AASDH: variants seen among roughly 807,000 people sequenced by gnomAD.
The protein encoded by AASDH is aminoadipate-semialdehyde dehydrogenase.
AASDH carries 81 observed loss-of-function variants against 102.3 expected under a neutral mutation model. The observed-to-expected ratio is 0.79, with a 90% CI of 0.66 to 0.95. The LOEUF (loss-of-function observed/expected upper bound fraction) is 0.95. Among genes scored for constraint, AASDH ranks in the 40% least tolerant of loss-of-function variants. AASDH has a pLI of 0.00. For synonymous variants in AASDH, 398 were observed against 454.0 expected, an observed-to-expected ratio of 0.88 and a Z score of 1.57; for missense variants, 1,203 against 1,266.2, an observed-to-expected ratio of 0.95 and a Z score of 0.76.
At chr4:56,359,384 T>A (rs1294935582) in intron 5 of AASDH, among the ~76,000 whole-genome samples, 5 of 151,896 alleles carry the variant, frequency 3.3e-5, no homozygotes, top group African/African-American at 1.2e-4. Context: ...CTCAGCCTCC[T>A]GAGTAGCTGG....
intron 5 of AASDH, among the ~76,000 whole-genome samples, chr4:56,364,520 T>C (rs895389435): frequency 2.0e-5 from 3 of 152,214 alleles, no homozygotes; most frequent in African/African-American, 7.2e-5. Context: ...AGCTGATCAC[T>C]CGGCAGAAAC....
chr4:56,353,070 T>C (rs928407544), intron 9 of AASDH, among the ~76,000 whole-genome samples: 2 of 151,894 alleles, frequency 1.3e-5, no homozygotes, highest in African/African-American at 4.8e-5. Context: ...GGCACAAACA[T>C]AGCACACTGT....
At chr4:56,356,019 G>C in intron 5 of AASDH, 1 of 501,426 alleles carries the variant, frequency 2.0e-6, no homozygotes, top group Non-Finnish European at 3.5e-6. Flanking sequence ...AAAGGTTTAG[G>C]ATAAAAAGGA....
rs574989825 is a variant in AASDH at position 56,360,618 on chromosome 4, G to T, written c.862-5195C>A. Among the ~76,000 whole-genome samples, 606 of 151,180 alleles carry T rather than the reference G, an allele frequency of 4.0e-3. 12 individuals carry two copies. The highest frequency in any genetic ancestry group is 4.5e-3 in the Non-Finnish European group (306 of 67,734). On this transcript the variant is annotated intron_variant, in intron 5 of 14. Coordinates refer to ENST00000205214, the MANE Select transcript of AASDH (RefSeq NM_181806.4). The stretch of plus-strand genomic sequence containing the variant: ...TTGATTTCCAAATGTTGAAATGATT[G>T]TTTTTTTTTCCATTTTGTCCAGCTT...
chr4:56,345,262 C>T lies in AASDH; in HGVS notation c.2517G>A (p.Leu839=). 6.2e-7 allele frequency: 1 copy of T among 1,613,528 alleles called. No individual in the cohort carries two copies. Among genetic ancestry groups the T allele is most frequent in the Non-Finnish European group, 8.5e-7 (1 of 1,179,540 alleles). ...AGTATTTTTCTCCACTATTACTTTT[C>T]AGAACATAAACTAATCCATTATAAC... is the stretch of plus-strand genomic sequence containing the variant. ...VGCYNGLVYV[L]KSNSGEKYWM... is the part of the protein sequence containing the mutation. The change falls in exon 12 of 15, where the codon CTG becomes CTA. Residue 839 remains leucine, a synonymous_variant. Coordinates refer to ENST00000205214, the MANE Select transcript of AASDH (RefSeq NM_181806.4).
At chr4:56,361,150 G>T (rs533741917) in intron 5 of AASDH, among the ~76,000 whole-genome samples, 2 of 152,162 alleles carry the variant, frequency 1.3e-5, no homozygotes, top group African/African-American at 2.4e-5. Flanking sequence ...GGTGACTCAC[G>T]CCTGTAATCC....
chr4:56,364,972 T>C (rs1049320248), intron 5 of AASDH, among the ~76,000 whole-genome samples: 2,411 of 152,004 alleles, frequency 0.016, 75 homozygotes, highest in African/African-American at 0.055. Flanking sequence ...TTCAGGAAAC[T>C]CATCTCACGT....
Position 56,342,945 on chromosome 4 carries a change from T to C in AASDH, c.2797A>G (p.Lys933Glu). The stretch of plus-strand genomic sequence containing the variant: ...AAGAGTGGTTTTCCACAGGAATGTT[T>C]CCAAATAACGTTCCCAGTAGCCTGT... Reference protein sequence around the residue: ...VNPATGNVIWKHSCGKPLFSS... With the variant: ...VNPATGNVIWEHSCGKPLFSS... Residue 933 changes from lysine (K) to glutamate (E), a missense_variant, in exon 14 of 15, where the codon AAA becomes GAA. Lys to Glu is a moderately conservative substitution (Grantham distance 56). Transcript: ENST00000205214. 1 of 1,589,952 alleles carries C rather than the reference T, an allele frequency of 6.3e-7. No individual in the cohort carries two copies. Among genetic ancestry groups the C allele is most frequent in the Non-Finnish European group, 8.6e-7 (1 of 1,168,230 alleles).
In AASDH at chr4:56,349,856, G is replaced by A; in HGVS notation, c.1895C>T (p.Pro632Leu). ...CTTCCTGAATGTCACATCTTCATCT[G>A]GAACCACTGTTTGAAGGATGTGATT... ...IYNHILQTVV[P>L]DEDVTFRKSC... Residue 632 changes from proline to leucine, a missense_variant, in exon 11 of 15, where the codon CCA (proline) becomes CTA (leucine). Pro to Leu is a moderately conservative substitution (Grantham distance 98). Transcript: ENST00000205214. The A allele has an allele frequency of 3.1e-6, 5 of 1,614,128 alleles. No homozygotes were observed. In the South Asian group the frequency reaches 5.5e-5, roughly 18 times the overall value.
chr4:56,341,389 C>CTTTTTTTTTTTTTT lies in AASDH; in HGVS notation c.2907+1432_2907+1445dup, dbSNP rs575687659. ...CATGGATGGAACTGGAGACTTTTATCTTTTTTTTTTTTTTTTTTTTTGGAG... is the reference window on the plus strand; with the variant it reads ...CATGGATGGAACTGGAGACTTTTATCTTTTTTTTTTTTTTTTTTTTTTTTTTTTTTTTTTTGGAG... On this transcript the variant is annotated intron_variant, in intron 14 of 14. Transcript: ENST00000205214. Among the ~76,000 whole-genome samples, 115 of 92,400 alleles carry CTTTTTTTTTTTTTT rather than the reference C, an allele frequency of 1.2e-3. 12 individuals are homozygous for CTTTTTTTTTTTTTT. Among genetic ancestry groups the CTTTTTTTTTTTTTT allele is most frequent in the African/African-American group, 4.3e-3 (99 of 23,150 alleles). The allele number at this position is 92,400 out of a possible 152,430, so 60.6% of individuals were successfully genotyped here.
chr4:56,355,435 T>A lies in AASDH; in HGVS notation c.862-12A>T, dbSNP rs770986499. The A allele has an allele frequency of 6.3e-7, 1 of 1,597,070 alleles. No homozygotes were observed. The highest frequency in any genetic ancestry group is 8.5e-7 in the Non-Finnish European group (1 of 1,172,422). On this transcript the variant is annotated splice_polypyrimidine_tract_variant and intron_variant, in intron 5 of 14. Transcript: ENST00000205214. ...AATGTTGGTGTTGCCTGTAGATACATTAAAAATAATTTATTTATTTTCCTT... is the reference window on the plus strand; with the variant it reads ...AATGTTGGTGTTGCCTGTAGATACAATAAAAATAATTTATTTATTTTCCTT...
intron 10 of AASDH, among the ~76,000 whole-genome samples, chr4:56,350,557 C>T (rs575465742): frequency 4.6e-5 from 7 of 151,908 alleles, no homozygotes; most frequent in African/African-American, 1.7e-4. Flanking sequence ...GATCACTGTA[C>T]TACCAATTTT....
intron 4 of AASDH, among the ~76,000 whole-genome samples, chr4:56,374,367 C>CAAAAA (rs752531940): frequency 7.3e-5 from 8 of 110,254 alleles, no homozygotes; most frequent in African/African-American, 1.7e-4. Flanking sequence ...GACTCTGTCT[C>CAAAAA]AGAAAAAAAA....
At chr4:56,379,745 A>C (rs1266728588) in intron 3 of AASDH, among the ~76,000 whole-genome samples, 1 of 152,226 alleles carries the variant, frequency 6.6e-6, no homozygotes, top group African/African-American at 2.4e-5. Context: ...AATATTTGTT[A>C]TAAGTAGCTA....
chr4:56,371,702 TAA>T (rs1751734328), intron 4 of AASDH, 59 bp from the exon 5 acceptor site: 5 of 1,438,016 alleles, frequency 3.5e-6, no homozygotes, highest in African/African-American at 2.9e-5. Context: ...GCACATATCC[TAA>T]AAGAGTGTTC....
chr4:56,344,692 A>G (rs1748113902), intron 12 of AASDH, among the ~76,000 whole-genome samples: 1 of 152,128 alleles, frequency 6.6e-6, no homozygotes, highest in Non-Finnish European at 1.5e-5. Context: ...TGATAATCCT[A>G]AATTCTTTAA....
chr4:56,349,042 G>A (rs1310185890), intron 11 of AASDH: 16 of 546,220 alleles, frequency 2.9e-5, no homozygotes, highest in Non-Finnish European at 5.1e-5. Flanking sequence ...TCAGTAACTT[G>A]CCAAAGGTCA....
At chr4:56,357,548 A>C (rs1749770387) in intron 5 of AASDH, among the ~76,000 whole-genome samples, 1 of 151,868 alleles carries the variant, frequency 6.6e-6, no homozygotes, top group Non-Finnish European at 1.5e-5. Context: ...CTCCTCTCCA[A>C]CTGGACCCCT....
rs1748671578 is a variant in AASDH, at chr4:56,349,164, CCAT to C, written c.2488+96_2488+98del. The C allele has an allele frequency of 3.9e-6, 5 of 1,279,752 alleles. No homozygotes were observed. The Admixed American group carries it at 9.6e-5, about 24-fold the overall frequency. The allele number at this position is 1,279,752 out of a possible 1,614,324, so 79.3% of individuals were successfully genotyped here. A position where few individuals can be genotyped will look rare whatever the true frequency, so the allele number is the denominator to read the frequency against. ...TATAATTTTTGGACAGCAACCAAAC[CCAT>C]CATATTTAGATTTTTAAAAAATTTA... On this transcript the variant is annotated intron_variant, in intron 11 of 14. Coordinates refer to ENST00000205214, the MANE Select transcript of AASDH (RefSeq NM_181806.4).
Sources: gnomAD v4.1 joint callset for allele counts (sites outside exome capture counted in the v4.1 genomes callset) on GRCh38, gnomAD v4.1.1 for gene constraint, MANE v1.5 for transcripts, NCBI Gene and HGNC (gene_info 2026-07-23, HGNC 2026-07-21) for gene names.